Variants in ZFP2 observed in about 807,000 individuals in gnomAD.
ZFP2 encodes the protein ZFP2 zinc finger protein.
In ZFP2, 33 loss-of-function variants were observed where a neutral mutation model predicts 36.1. The observed-to-expected ratio is 0.92, with a 90% CI of 0.69 to 1.22. The LOEUF is 1.22. Ranked by LOEUF, ZFP2 falls within the 50% of genes most tolerant of loss-of-function variation. ZFP2 has a pLI of 0.00. For synonymous variants in ZFP2, 170 were observed against 178.0 expected (o/e 0.96, Z 0.36); for missense variants, 522 against 551.4 (o/e 0.95, Z 0.53).
chr5:178,911,790 A>G (rs1003135171), intron 1 of ZFP2, among the ~76,000 whole-genome samples: 4 of 152,100 alleles, frequency 2.6e-5, no homozygotes, highest in African/African-American at 9.7e-5. Flanking sequence ...TATTTCTATT[A>G]TCTATTCTTA....
At chr5:178,925,062 C>T (rs1758637897) in intron 4 of ZFP2, among the ~76,000 whole-genome samples, 1 of 144,726 alleles carries the variant, frequency 6.9e-6, no homozygotes. Flanking sequence ...AATCTCTAAA[C>T]AATATATCTG....
chr5:178,931,702 A>G lies in ZFP2; in HGVS notation c.389A>G (p.Tyr130Cys), dbSNP rs756330356. ...AGGATTCATACTGGGGAGAAACCCT[A>G]TAAGTGTAATGTATGTGGGAAACAC... is the stretch of plus-strand genomic sequence containing the variant. ...HQRIHTGEKP[Y>C]KCNVCGKHFI... Residue 130 changes from tyrosine to cysteine, a missense_variant, in exon 5 of 5, where the codon TAT becomes TGT. Physicochemically the swap from Tyr to Cys is radical, Grantham distance 194. Coordinates refer to ENST00000361362, the MANE Select transcript of ZFP2 (RefSeq NM_030613.4). 3.1e-5 allele frequency: 50 copies of G among 1,614,054 alleles called. No homozygotes were observed. The highest frequency in any genetic ancestry group is 1.7e-4 in the Admixed American group (10 of 59,994).
chr5:178,897,995 T>A (rs547168674), intron 1 of ZFP2, among the ~76,000 whole-genome samples: 1 of 152,152 alleles, frequency 6.6e-6, no homozygotes, highest in Non-Finnish European at 1.5e-5. Flanking sequence ...TTAGTGAACT[T>A]CTTTTTTTTT....
At position 178,932,250 on chromosome 5, in the gene ZFP2, C is replaced by G; in HGVS notation, c.937C>G (p.Leu313Val). 1.2e-6 allele frequency: 2 copies of G among 1,614,156 alleles called. No homozygotes were observed. Among genetic ancestry groups the G allele is most frequent in the Non-Finnish European group, 1.7e-6 (2 of 1,180,034 alleles). ...GAAATCCTTTAGCCAAAGTACATAT[C>G]TTATAGAACATCAGAGACTTCATTC... Reference protein sequence around the residue: ...CGKSFSQSTYLIEHQRLHSGV... With the variant: ...CGKSFSQSTYVIEHQRLHSGV... The change falls in exon 5 of 5, where the codon CTT (leucine) becomes GTT (valine). Residue 313 changes from leucine (L) to valine (V), a missense_variant. Leu to Val is a conservative substitution (Grantham distance 32). Transcript: ENST00000361362.
chr5:178,924,843 C>T (rs979849099), intron 4 of ZFP2, among the ~76,000 whole-genome samples: 1 of 147,836 alleles, frequency 6.8e-6, no homozygotes, highest in African/African-American at 2.4e-5. Context: ...AGCAAAACTC[C>T]ATCTCAAAAT....
intron 1 of ZFP2, among the ~76,000 whole-genome samples, chr5:178,911,192 A>G (rs563733392): frequency 1.3e-3 from 198 of 152,330 alleles, no homozygotes; most frequent in South Asian, 1.0e-2. Flanking sequence ...ATGTAGAAAG[A>G]AAGGTAGACA....
At chr5:178,927,662 AAT>A (rs1491297322) in intron 4 of ZFP2, among the ~76,000 whole-genome samples, 89 of 100,850 alleles carry the variant, frequency 8.8e-4, no homozygotes, top group African/African-American at 2.7e-3. Context: ...ATACCTGGCC[AAT>A]GTGTGTGTGT....
At chr5:178,902,918 G>A (rs1758089556) in intron 1 of ZFP2, among the ~76,000 whole-genome samples, 1 of 152,184 alleles carries the variant, frequency 6.6e-6, no homozygotes, top group Admixed American at 6.5e-5. Flanking sequence ...GTCCATATCA[G>A]TACATCGGGG....
chr5:178,901,526 G>T (rs530760382), intron 1 of ZFP2, among the ~76,000 whole-genome samples: 1 of 152,038 alleles, frequency 6.6e-6, no homozygotes, highest in Non-Finnish European at 1.5e-5. Context: ...GTGTTCCTTG[G>T]TTCATGGCTG....
chr5:178,923,139 T>G (rs937874110), intron 4 of ZFP2, among the ~76,000 whole-genome samples: 1 of 149,562 alleles, frequency 6.7e-6, no homozygotes, highest in African/African-American at 2.4e-5. Flanking sequence ...GTGTACAATA[T>G]ACGTAACATA....
intron 1 of ZFP2, among the ~76,000 whole-genome samples, chr5:178,907,202 G>A (rs1200523059): frequency 1.3e-5 from 2 of 151,994 alleles, no homozygotes; most frequent in Non-Finnish European, 2.9e-5. Context: ...AGACCCAAAA[G>A]CCTCCATTAT....
chr5:178,898,800 T>C (rs1757989828), intron 1 of ZFP2, among the ~76,000 whole-genome samples: 1 of 152,206 alleles, frequency 6.6e-6, no homozygotes, highest in Non-Finnish European at 1.5e-5. Context: ...CCCTCTGTGT[T>C]CCTGACCTCT....
Position 178,932,313 on chromosome 5 carries a change from G to A in ZFP2, c.1000G>A (p.Ala334Thr), listed in dbSNP as rs1437594015. 2 of 1,614,138 alleles carry A rather than the reference G, an allele frequency of 1.2e-6. No individual in the cohort carries two copies. The highest frequency in any genetic ancestry group is 3.3e-5 in the Admixed American group (2 of 60,020). The change falls in exon 5 of 5, where the codon GCT (alanine) becomes ACT (threonine). Residue 334 changes from alanine (A) to threonine (T), a missense_variant. Coordinates refer to ENST00000361362, the MANE Select transcript of ZFP2 (RefSeq NM_030613.4). ...KPFECNECGK[A>T]FSKNSSLTQH... is the part of the protein sequence containing the mutation. Reference sequence around the variant, plus strand: ...TTTTGAATGTAACGAGTGTGGAAAAGCTTTCAGTAAGAATTCATCTCTAAC... The same window carrying A: ...TTTTGAATGTAACGAGTGTGGAAAAACTTTCAGTAAGAATTCATCTCTAAC...
chr5:178,897,961 A>G (rs1295531856), intron 1 of ZFP2, among the ~76,000 whole-genome samples: 3 of 152,176 alleles, frequency 2.0e-5, no homozygotes, highest in Non-Finnish European at 2.9e-5. Flanking sequence ...GTTGTAACAC[A>G]CAACTTAAAT....
rs1000715517 is a variant in ZFP2 at position 178,921,633 on chromosome 5, A to G, written c.-78+4923A>G. ...GCATTAGAAGTCCTTTTCCTGCTCC[A>G]TGAACCGGCCCTAGAGCTTTTCCTG... is the stretch of plus-strand genomic sequence containing the variant. On this transcript the variant is annotated intron_variant, in intron 4 of 4. Coordinates refer to ENST00000361362, the MANE Select transcript of ZFP2 (RefSeq NM_030613.4). Among the ~76,000 whole-genome samples, 30 of 149,516 alleles carry G rather than the reference A, an allele frequency of 2.0e-4. 2 individuals are homozygous for G. The highest frequency in any genetic ancestry group is 1.5e-3 in the Admixed American group (23 of 14,926).
In ZFP2 at chr5:178,931,413, G is replaced by C. The variant is rs780816380; in HGVS notation, c.100G>C (p.Val34Leu). ...QQDSHLSQVG[V>L]THKETFTEMR... ...GGATAGTCATCTGAGCCAAGTGGGA[G>C]TTACCCATAAGGAAACCTTCACTGA... Residue 34 changes from valine to leucine, a missense_variant, in exon 5 of 5, where the codon GTT (valine) becomes CTT (leucine). Physicochemically the swap from Val to Leu is conservative, Grantham distance 32. Transcript: ENST00000361362. 3 of 1,614,136 alleles carry C rather than the reference G, an allele frequency of 1.9e-6. No individual in the cohort carries two copies. The highest frequency in any genetic ancestry group is 2.5e-6 in the Non-Finnish European group (3 of 1,180,026).
chr5:178,924,168 T>G (rs1056613807), intron 4 of ZFP2, among the ~76,000 whole-genome samples: 2 of 148,272 alleles, frequency 1.3e-5, no homozygotes, highest in Non-Finnish European at 3.0e-5. Context: ...GGTCAGGAGA[T>G]CGAGACCATC....
At chr5:178,926,586 G>C (rs370261815) in intron 4 of ZFP2, among the ~76,000 whole-genome samples, 2 of 151,602 alleles carry the variant, frequency 1.3e-5, no homozygotes, top group African/African-American at 4.8e-5. Context: ...GCACGATCTC[G>C]ACTCACTGCA....
chr5:178,925,127 A>ATATAT, intron 4 of ZFP2, among the ~76,000 whole-genome samples: 2 of 31,572 alleles, frequency 6.3e-5, no homozygotes, highest in African/African-American at 1.5e-4. Context: ...ATATATATAT[A>ATATAT]CACACACACA....
Sources: allele counts gnomAD v4.1 joint callset (sites outside exome capture counted in the v4.1 genomes callset), GRCh38; gene constraint gnomAD v4.1.1; transcripts MANE v1.5; gene names NCBI Gene and HGNC (gene_info 2026-07-23, HGNC 2026-07-21).